The following NTM variants were observed in gnomAD, a reference collection of about 807,000 sequenced individuals.
NTM encodes neurotrimin.
A neutral mutation model predicts 42.1 loss-of-function variants in NTM; 13 were observed. The ratio of observed to expected loss-of-function variants is 0.31; its 90% CI spans 0.20 to 0.49. The LOEUF is 0.49. Ranked by LOEUF, NTM falls within the 20% of genes least tolerant of loss-of-function variation. NTM has a pLI of 0.99. For missense variants in NTM, 373 were observed against 452.8 expected, an observed-to-expected ratio of 0.82 and a Z score of 1.60; for synonymous variants, 187 against 179.2, an observed-to-expected ratio of 1.04 and a Z score of -0.35.
chr11:131,639,050 G>T (rs2064801359), intron 1 of NTM, among the ~76,000 whole-genome samples: 1 of 152,200 alleles, frequency 6.6e-6, no homozygotes, highest in South Asian at 2.1e-4. Context: ...ACACAGAGAG[G>T]TCAAGTAACT....
intron 4 of NTM, among the ~76,000 whole-genome samples, chr11:132,283,227 C>T (rs2094072139): frequency 6.6e-6 from 1 of 152,058 alleles, no homozygotes; most frequent in African/African-American, 2.4e-5. Context: ...CATCGTGATC[C>T]ACCTGCCTCA....
chr11:131,836,596 G>C (rs552432989), intron 1 of NTM, among the ~76,000 whole-genome samples: 1 of 152,264 alleles, frequency 6.6e-6, no homozygotes, highest in South Asian at 2.1e-4. Flanking sequence ...TTTCCAATGA[G>C]CACATTCCCC....
At position 131,682,264 on chromosome 11, in the gene NTM, T is replaced by G. The variant is rs76683638; in HGVS notation, c.83-229300T>G. On this transcript the variant is annotated intron_variant, in intron 1 of 8. Coordinates refer to ENST00000683400, the MANE Select transcript of NTM (RefSeq NM_001352005.2). Reference sequence around the variant, plus strand: ...TGCTGTATAGCTGAGGAGCCTCTGGTTTCCTTCCTGGAAAATGGGGCAATA... The same window carrying G: ...TGCTGTATAGCTGAGGAGCCTCTGGGTTCCTTCCTGGAAAATGGGGCAATA... 9.8e-3 allele frequency among the ~76,000 whole-genome samples: 1,487 copies of G among 152,304 alleles called. 29 individuals are homozygous for G. The highest frequency in any genetic ancestry group is 0.033 in the African/African-American group (1,388 of 41,570).
intron 2 of NTM, among the ~76,000 whole-genome samples, chr11:132,081,930 A>G (rs909157862): frequency 2.0e-4 from 27 of 133,894 alleles, no homozygotes; most frequent in African/African-American, 7.8e-4. Context: ...ACACACACAC[A>G]TATTCATATA....
intron 1 of NTM, among the ~76,000 whole-genome samples, chr11:131,727,479 T>C (rs993033720): frequency 6.6e-6 from 1 of 152,150 alleles, no homozygotes; most frequent in African/African-American, 2.4e-5. Context: ...TGAGAGCCGC[T>C]TCCTGCAGCA....
intron 2 of NTM, among the ~76,000 whole-genome samples, chr11:131,952,697 C>G (rs1054261755): frequency 6.6e-6 from 1 of 152,034 alleles, no homozygotes; most frequent in African/African-American, 2.4e-5. Context: ...TGGCAGAAAT[C>G]TAAAGCATTC....
At chr11:132,048,799 T>A (rs1746320300) in intron 2 of NTM, among the ~76,000 whole-genome samples, 1 of 140,872 alleles carries the variant, frequency 7.1e-6, no homozygotes, top group African/African-American at 2.7e-5. Flanking sequence ...ACTACAGAGC[T>A]GTTTTTCTTT....
At chr11:132,013,374 A>C (rs1037226577) in intron 2 of NTM, among the ~76,000 whole-genome samples, 1 of 152,220 alleles carries the variant, frequency 6.6e-6, no homozygotes, top group African/African-American at 2.4e-5. Context: ...GCAGCTTATC[A>C]TCCTAGTGGA....
intron 4 of NTM, among the ~76,000 whole-genome samples, chr11:132,299,818 G>A (rs1270915866): frequency 1.3e-5 from 2 of 152,002 alleles, no homozygotes; most frequent in Non-Finnish European, 2.9e-5. Context: ...GCCCATTTTT[G>A]GCAAGATCAT....
chr11:132,057,327 C>T (rs1260325930), intron 2 of NTM, among the ~76,000 whole-genome samples: 2 of 151,784 alleles, frequency 1.3e-5, no homozygotes, highest in East Asian at 3.9e-4. Context: ...AGTTCGTTTT[C>T]ACTCTCAGGC....
chr11:132,192,552 C>G (rs948798162), intron 3 of NTM, among the ~76,000 whole-genome samples: 14 of 152,138 alleles, frequency 9.2e-5, no homozygotes, highest in African/African-American at 3.4e-4. Flanking sequence ...ACCTGCCATG[C>G]TTAAGTATGT....
chr11:132,021,985 C>A (rs555810147), intron 2 of NTM, among the ~76,000 whole-genome samples: 9 of 152,204 alleles, frequency 5.9e-5, no homozygotes, highest in Non-Finnish European at 1.0e-4. Flanking sequence ...TAGCCCTGAG[C>A]AGAACCTGGG....
At chr11:131,852,388 A>C (rs1343826244) in intron 1 of NTM, among the ~76,000 whole-genome samples, 1 of 152,224 alleles carries the variant, frequency 6.6e-6, no homozygotes, top group African/African-American at 2.4e-5. Flanking sequence ...ACTTTTCTAA[A>C]ACAGAAAATC....
intron 2 of NTM, among the ~76,000 whole-genome samples, chr11:132,061,067 A>AT (rs1036180500): frequency 6.6e-6 from 1 of 152,160 alleles, no homozygotes; most frequent in Non-Finnish European, 1.5e-5. Context: ...CTGCAGCACA[A>AT]TTTTTTTCTA....
At chr11:131,789,899 T>C (rs373302323) in intron 1 of NTM, among the ~76,000 whole-genome samples, 3 of 128,964 alleles carry the variant, frequency 2.3e-5, no homozygotes, top group African/African-American at 6.1e-5. Context: ...GAGCTTGCAG[T>C]GAGCCGAGAT....
At chr11:131,465,859 C>T (rs1367335946) in intron 1 of NTM, among the ~76,000 whole-genome samples, 3 of 152,192 alleles carry the variant, frequency 2.0e-5, no homozygotes, top group South Asian at 2.1e-4. Context: ...TTGGCTGTGC[C>T]CTGGAGCCGT....
At chr11:131,928,199 A>G (rs1442315634) in intron 2 of NTM, among the ~76,000 whole-genome samples, 1 of 152,018 alleles carries the variant, frequency 6.6e-6, no homozygotes, top group African/African-American at 2.4e-5. Flanking sequence ...ATGCTTTACA[A>G]GGGTTACCCA....
intron 1 of NTM, among the ~76,000 whole-genome samples, chr11:131,818,025 C>T (rs1252018379): frequency 1.3e-5 from 2 of 152,088 alleles, no homozygotes; most frequent in Admixed American, 6.5e-5. Context: ...GGCGGGGGAG[C>T]AGGGGTGTTG....
intron 2 of NTM, among the ~76,000 whole-genome samples, chr11:131,928,980 T>C (rs2058277208): frequency 6.6e-6 from 1 of 152,216 alleles, no homozygotes; most frequent in Non-Finnish European, 1.5e-5. Flanking sequence ...CCATAGTGTG[T>C]AGTTTAGAAT....
Sources: allele counts gnomAD v4.1 joint callset (sites outside exome capture counted in the v4.1 genomes callset), GRCh38; gene constraint gnomAD v4.1.1; transcripts MANE v1.5; gene names NCBI Gene and HGNC (gene_info 2026-07-23, HGNC 2026-07-21).